GRID2: variants seen among roughly 807,000 people sequenced by gnomAD.
GRID2 encodes the protein glutamate ionotropic receptor delta type subunit 2.
A neutral mutation model predicts 114.8 loss-of-function variants in GRID2; 33 were observed. The observed-to-expected ratio is 0.29, with a 90% confidence interval of 0.22 to 0.38. The LOEUF (loss-of-function observed/expected upper bound fraction) is 0.38, where lower values mean the gene tolerates loss of function less well. Among genes scored for constraint, GRID2 ranks in the 10% least tolerant of loss-of-function variants. The pLI is 1.00. For synonymous variants in GRID2, 505 were observed against 449.9 expected (o/e 1.12, Z -1.55); for missense variants, 1,184 against 1,257.7 (o/e 0.94, Z 0.89).
intron 8 of GRID2, among the ~76,000 whole-genome samples, chr4:93,392,127 C>T (rs1360728994): frequency 6.6e-6 from 1 of 152,108 alleles, no homozygotes; most frequent in Non-Finnish European, 1.5e-5. Context: ...TTCTCTAAGT[C>T]TCATGTGCTG....
At chr4:92,341,099 A>G (rs1230462854) in intron 1 of GRID2, among the ~76,000 whole-genome samples, 1 of 152,208 alleles carries the variant, frequency 6.6e-6, no homozygotes, top group Non-Finnish European at 1.5e-5. Flanking sequence ...TATACTATAC[A>G]GTATATGGTA....
At chr4:92,403,334 C>T (rs1730876153) in intron 1 of GRID2, among the ~76,000 whole-genome samples, 1 of 152,102 alleles carries the variant, frequency 6.6e-6, no homozygotes, top group Non-Finnish European at 1.5e-5. Context: ...AAGAGGCTTA[C>T]CTTTCAGCCT....
intron 2 of GRID2, among the ~76,000 whole-genome samples, chr4:92,915,062 A>C (rs2149494859): frequency 6.6e-6 from 1 of 152,234 alleles, no homozygotes. Flanking sequence ...CCGAAGTTGA[A>C]GGGGAAGCAA....
intron 1 of GRID2, among the ~76,000 whole-genome samples, chr4:92,471,074 A>T (rs1282724449): frequency 1.3e-5 from 2 of 152,022 alleles, no homozygotes; most frequent in Non-Finnish European, 2.9e-5. Context: ...ATTCCAAGGA[A>T]ATACATTTTC....
chr4:92,653,903 A>G (rs534769643), intron 2 of GRID2, among the ~76,000 whole-genome samples: 2 of 152,234 alleles, frequency 1.3e-5, no homozygotes, highest in Admixed American at 6.5e-5. Context: ...TAGGATGGTT[A>G]ACCTCTGTAG....
chr4:93,348,011 G>A (rs1046847252), intron 8 of GRID2, among the ~76,000 whole-genome samples: 1 of 152,060 alleles, frequency 6.6e-6, no homozygotes, highest in Non-Finnish European at 1.5e-5. Flanking sequence ...ATAAATCTGG[G>A]TCTTTATATA....
At chr4:93,391,823 C>T (rs1054780486) in intron 8 of GRID2, among the ~76,000 whole-genome samples, 3 of 152,122 alleles carry the variant, frequency 2.0e-5, no homozygotes, top group African/African-American at 4.8e-5. Flanking sequence ...CATGCAAATA[C>T]ATCAATCCAG....
intron 1 of GRID2, among the ~76,000 whole-genome samples, chr4:92,412,149 C>T (rs1253698593): frequency 1.3e-5 from 2 of 151,144 alleles, no homozygotes; most frequent in South Asian, 2.1e-4. Flanking sequence ...TGTGTGTGTT[C>T]AATTGGCTCT....
At chr4:92,898,450 T>C (rs1219781831) in intron 2 of GRID2, among the ~76,000 whole-genome samples, 1 of 152,162 alleles carries the variant, frequency 6.6e-6, no homozygotes, top group Non-Finnish European at 1.5e-5. Flanking sequence ...AGATATTTCA[T>C]GTTGCTACCA....
chr4:92,921,701 T>C (rs1194732578), intron 2 of GRID2, among the ~76,000 whole-genome samples: 2 of 152,178 alleles, frequency 1.3e-5, no homozygotes, highest in Admixed American at 1.3e-4. Context: ...TGATTGTTCC[T>C]CTGGAAGTTT....
chr4:93,415,963 A>G (rs192077718), intron 9 of GRID2, among the ~76,000 whole-genome samples: 1 of 152,018 alleles, frequency 6.6e-6, no homozygotes, highest in East Asian at 1.9e-4. Context: ...AAAACATTTA[A>G]GGAAAGATTA....
At chr4:92,586,256 C>A (rs555587440) in intron 1 of GRID2, among the ~76,000 whole-genome samples, 16 of 151,718 alleles carry the variant, frequency 1.1e-4, no homozygotes, top group Admixed American at 9.9e-4. Flanking sequence ...GGTTAGTGAA[C>A]TTATAAATAT....
In GRID2 at chr4:92,661,285, A is replaced by T. The variant is rs1732501838; in HGVS notation, c.244+70999A>T. Among the ~76,000 whole-genome samples, 3 of 151,100 alleles carry T rather than the reference A, an allele frequency of 2.0e-5. No homozygotes were observed. In the Admixed American group the frequency reaches 2.0e-4, roughly 10 times the overall value. On this transcript the variant is annotated intron_variant, in intron 2 of 15. Coordinates refer to ENST00000282020, the MANE Select transcript of GRID2 (RefSeq NM_001510.4). ...TCTAATTATAATTATGACAAATAAC[A>T]TTAAAAAGTCACCCTGTTTAAAAGT...
intron 1 of GRID2, among the ~76,000 whole-genome samples, chr4:92,517,746 C>T (rs766486378): frequency 4.0e-4 from 61 of 151,784 alleles, no homozygotes; most frequent in Non-Finnish European, 8.3e-4. Context: ...ATGAAAAGTA[C>T]TTTTAAGGAA....
intron 4 of GRID2, among the ~76,000 whole-genome samples, chr4:93,121,985 A>G (rs147826587): frequency 2.6e-5 from 4 of 152,128 alleles, no homozygotes; most frequent in Admixed American, 2.0e-4. Flanking sequence ...GATTTGTAGA[A>G]GCCCTTTGAA....
intron 15 of GRID2, among the ~76,000 whole-genome samples, chr4:93,771,102 T>G (rs916214311): frequency 7.9e-5 from 12 of 152,324 alleles, no homozygotes; most frequent in South Asian, 2.1e-4. Context: ...TTAATAGATA[T>G]CTTAAATTCT....
intron 14 of GRID2, among the ~76,000 whole-genome samples, chr4:93,726,632 C>G (rs1213461515): frequency 6.6e-6 from 1 of 152,156 alleles, no homozygotes; most frequent in Admixed American, 6.5e-5. Flanking sequence ...GAATGTTCTT[C>G]CATTTGTTTG....
At chr4:93,366,349 ATG>A (rs1264052840) in intron 8 of GRID2, among the ~76,000 whole-genome samples, 2 of 152,028 alleles carry the variant, frequency 1.3e-5, no homozygotes, top group East Asian at 3.9e-4. Flanking sequence ...GTCATCTCTT[ATG>A]GTCGAGACTG....
chr4:92,928,340 T>G (rs947750460), intron 2 of GRID2, among the ~76,000 whole-genome samples: 8 of 151,686 alleles, frequency 5.3e-5, no homozygotes, highest in African/African-American at 1.9e-4. Flanking sequence ...TTAGAAAGAT[T>G]TAAGTCATTT....
Sources: gnomAD v4.1 joint callset for allele counts (sites outside exome capture counted in the v4.1 genomes callset) on GRCh38, gnomAD v4.1.1 for gene constraint, MANE v1.5 for transcripts, NCBI Gene and HGNC (gene_info 2026-07-23, HGNC 2026-07-21) for gene names.